Variants in CEP83 observed in about 807,000 individuals in gnomAD.
CEP83 encodes centrosomal protein of 83 kDa.
In CEP83, 70 loss-of-function variants were observed where a neutral mutation model predicts 101.9. The ratio of observed to expected loss-of-function variants is 0.69; its 90% CI spans 0.57 to 0.84. CEP83 has a LOEUF of 0.84. Ranked by LOEUF, CEP83 falls within the 40% of genes least tolerant of loss-of-function variation. CEP83 has a pLI of 0.00. For missense variants in CEP83, 715 were observed against 787.2 expected (o/e 0.91, Z 1.10); for synonymous variants, 264 against 267.9 (o/e 0.99, Z 0.14).
chr12:94,303,735 T>G, downstream of CEP83: 16 of 1,119,322 alleles, frequency 1.4e-5, no homozygotes, highest in African/African-American at 3.4e-5. Context: ...ATGGTTGCTT[T>G]TTTTTTTTTT....
intron 14 of CEP83, among the ~76,000 whole-genome samples, chr12:94,313,778 A>G (rs2136303664): frequency 6.6e-6 from 1 of 152,286 alleles, no homozygotes; most frequent in South Asian, 2.1e-4. Flanking sequence ...CGGAGGTTGC[A>G]GTGAGCCGAG....
At chr12:94,310,960 T>C (rs1003383232) in intron 15 of CEP83, among the ~76,000 whole-genome samples, 2 of 152,164 alleles carry the variant, frequency 1.3e-5, no homozygotes, top group African/African-American at 4.8e-5. Context: ...TGGGGGCCCC[T>C]GAATAGCTTC....
chr12:94,287,485 C>T, the CEP83 span, among the ~76,000 whole-genome samples: 2 of 152,170 alleles, frequency 1.3e-5, no homozygotes, highest in Non-Finnish European at 1.5e-5. Flanking sequence ...AGTTATTGCA[C>T]CCGCACCCTG....
intron 2 of CEP83, among the ~76,000 whole-genome samples, chr12:94,420,407 C>T (rs556123525): frequency 2.0e-5 from 3 of 152,084 alleles, no homozygotes; most frequent in Middle Eastern, 3.4e-3. Context: ...GTTGAAGAAA[C>T]GAATAGTGGT....
the CEP83 span, among the ~76,000 whole-genome samples, chr12:94,276,372 T>C: frequency 1.4e-5 from 2 of 148,034 alleles, no homozygotes; most frequent in Non-Finnish European, 3.0e-5. Context: ...CACCCACCCC[T>C]CCCACTGGTG....
At chr12:94,414,429 T>C (rs993288163) in intron 2 of CEP83, among the ~76,000 whole-genome samples, 44 of 152,208 alleles carry the variant, frequency 2.9e-4, no homozygotes, top group African/African-American at 1.0e-3. Flanking sequence ...ACCATCTAAA[T>C]AGTTAGCAGC....
chr12:94,355,244 A>G (rs1248399897), intron 11 of CEP83, among the ~76,000 whole-genome samples: 1 of 152,198 alleles, frequency 6.6e-6, no homozygotes, highest in East Asian at 1.9e-4. Context: ...CTGTAATCTC[A>G]GCACTTTGGG....
chr12:94,275,572 G>GAGCACTAAGTGTTAGCAGCAT, the CEP83 span, among the ~76,000 whole-genome samples: 1 of 143,872 alleles, frequency 7.0e-6, no homozygotes, highest in African/African-American at 2.6e-5. Context: ...ACTGCTGTTT[G>GAGCACTAAGTGTTAGCAGCAT]GCCGGGCGCG....
the CEP83 span, chr12:94,297,414 G>A: frequency 1.2e-6 from 2 of 1,610,576 alleles, no homozygotes; most frequent in Non-Finnish European, 1.7e-6. Context: ...CAAAGCTGCT[G>A]TCGACCAAGG....
Position 94,312,912 on chromosome 12 carries a change from A to G in CEP83, c.1811+2T>C. On this transcript the variant is annotated splice_donor_variant, in intron 15 of 16. Transcript: ENST00000397809. LOFTEE classifies it high-confidence loss of function. Reference sequence around the variant, plus strand: ...GGGAAGATACACATACAAACACATTACCTATTTAAGACCTGATTTTCTGTT... The same window carrying G: ...GGGAAGATACACATACAAACACATTGCCTATTTAAGACCTGATTTTCTGTT... 6.7e-7 allele frequency: 1 copy of G among 1,487,710 alleles called. No individual in the cohort carries two copies. Among genetic ancestry groups the G allele is most frequent in the Non-Finnish European group, 9.3e-7 (1 of 1,072,660 alleles). 92.2% of individuals were successfully genotyped at this position (1,487,710 alleles called of 1,614,324 possible). A position where few individuals can be genotyped will look rare whatever the true frequency, so the allele number is the denominator to read the frequency against.
At chr12:94,456,012 C>T (rs942446986) in intron 1 of CEP83, among the ~76,000 whole-genome samples, 4 of 149,940 alleles carry the variant, frequency 2.7e-5, no homozygotes, top group African/African-American at 4.9e-5. Flanking sequence ...TGCACCACTA[C>T]GCTCCAGCCT....
intron 6 of CEP83, among the ~76,000 whole-genome samples, chr12:94,389,761 G>A (rs1364659842): frequency 6.6e-6 from 1 of 152,192 alleles, no homozygotes; most frequent in Non-Finnish European, 1.5e-5. Flanking sequence ...GGACACTCCT[G>A]CCCAAATACT....
chr12:94,342,287 C>T (rs151187590), intron 11 of CEP83, among the ~76,000 whole-genome samples: 19 of 152,214 alleles, frequency 1.2e-4, no homozygotes, highest in East Asian at 7.7e-4. Flanking sequence ...TAATTAGAGA[C>T]GTCACTAAGA....
the CEP83 span, among the ~76,000 whole-genome samples, chr12:94,268,367 C>T: frequency 4.6e-5 from 7 of 152,218 alleles, no homozygotes; most frequent in Non-Finnish European, 8.8e-5. Context: ...AAAATCCAAG[C>T]AAAGTCCCCT....
At chr12:94,362,322 A>G (rs192507875) in intron 11 of CEP83, among the ~76,000 whole-genome samples, 8 of 152,286 alleles carry the variant, frequency 5.3e-5, no homozygotes, top group African/African-American at 1.7e-4. Context: ...AAGCTCTACA[A>G]AAAAAACTAA....
At chr12:94,416,997 A>G (rs1006786666) in intron 2 of CEP83, among the ~76,000 whole-genome samples, 1 of 152,102 alleles carries the variant, frequency 6.6e-6, no homozygotes, top group Admixed American at 6.5e-5. Context: ...AAAAAAACTA[A>G]GGTGTCAACA....
chr12:94,433,186 T>C (rs1259763031), intron 2 of CEP83, among the ~76,000 whole-genome samples: 3 of 152,166 alleles, frequency 2.0e-5, no homozygotes, highest in Non-Finnish European at 4.4e-5. Context: ...CAGTGAAAGA[T>C]TTTAAACTTT....
At chr12:94,283,576 A>G in the CEP83 span, among the ~76,000 whole-genome samples, 93 of 152,296 alleles carry the variant, frequency 6.1e-4, no homozygotes, top group African/African-American at 2.2e-3. Flanking sequence ...TATTACTCAA[A>G]TCAGTCTCCC....
intron 1 of CEP83, among the ~76,000 whole-genome samples, chr12:94,447,312 G>A (rs1458736848): frequency 6.6e-6 from 1 of 152,098 alleles, no homozygotes; most frequent in Non-Finnish European, 1.5e-5. Context: ...CCAGAAGTTC[G>A]AGACCAGCCT....
Sources: allele counts gnomAD v4.1 joint callset (sites outside exome capture counted in the v4.1 genomes callset), GRCh38; gene constraint gnomAD v4.1.1; transcripts MANE v1.5; gene names NCBI Gene and HGNC (gene_info 2026-07-23, HGNC 2026-07-21).